Variants in STRADB observed in about 807,000 individuals in gnomAD.
STRADB encodes STE20-related kinase adapter protein beta.
A neutral mutation model predicts 52.1 loss-of-function variants in STRADB; 34 were observed. The ratio of observed to expected loss-of-function variants is 0.65; its 90% CI spans 0.50 to 0.87. The LOEUF (loss-of-function observed/expected upper bound fraction) is 0.87, where lower values mean the gene tolerates loss of function less well. STRADB is among the 40% of genes least tolerant of loss of function. The pLI, the probability that STRADB is intolerant of heterozygous loss-of-function variation, is 0.00. For missense variants in STRADB, 340 were observed against 483.9 expected (o/e 0.70, Z 2.79); for synonymous variants, 133 against 174.5 (o/e 0.76, Z 1.87).
At chr2:201,471,511 A>ATT (rs892160234) in intron 4 of STRADB, among the ~76,000 whole-genome samples, 1 of 152,108 alleles carries the variant, frequency 6.6e-6, no homozygotes, top group Non-Finnish European at 1.5e-5. Context: ...AACATTATGT[A>ATT]TTTTTTTCTT....
chr2:201,462,319 T>C (rs968802998), intron 3 of STRADB, among the ~76,000 whole-genome samples: 3 of 152,210 alleles, frequency 2.0e-5, no homozygotes, highest in Non-Finnish European at 4.4e-5. Context: ...GTGGTTCTTG[T>C]AGGCAACAGA....
At position 201,464,014 on chromosome 2, in the gene STRADB, CA is replaced by C. The variant is rs891003479; in HGVS notation, c.93+5154del. 3.0e-4 allele frequency among the ~76,000 whole-genome samples: 46 copies of C among 152,272 alleles called. 1 individual carries two copies. The highest frequency in any genetic ancestry group is 1.0e-3 in the African/African-American group (42 of 41,552). The stretch of plus-strand genomic sequence containing the variant: ...TATCTTGAAATTTGTTGAACTTCCT[CA>C]AAACAGCTATTTCAACTTCTCTGTC... On this transcript the variant is annotated intron_variant, in intron 3 of 11. Transcript: ENST00000194530.
intron 3 of STRADB, among the ~76,000 whole-genome samples, chr2:201,460,611 T>C (rs1261348673): frequency 6.6e-6 from 1 of 152,204 alleles, no homozygotes; most frequent in Non-Finnish European, 1.5e-5. Flanking sequence ...GAGTGACATG[T>C]GAAGTTTGTC....
intron 7 of STRADB, among the ~76,000 whole-genome samples, chr2:201,476,740 C>T (rs542443974): frequency 1.7e-4 from 26 of 150,108 alleles, no homozygotes; most frequent in African/African-American, 5.6e-4. Flanking sequence ...TTTGAGAGGC[C>T]GAGGCGTGCA....
At chr2:201,464,162 A>G (rs1429205449) in intron 3 of STRADB, among the ~76,000 whole-genome samples, 1 of 152,196 alleles carries the variant, frequency 6.6e-6, no homozygotes, top group Non-Finnish European at 1.5e-5. Flanking sequence ...ATGTCTGGGC[A>G]TTGAAGAGTT....
chr2:201,458,807 A>T lies in STRADB; in HGVS notation c.36A>T (p.Thr12=), dbSNP rs538625124. 3 of 1,613,978 alleles carry T rather than the reference A, an allele frequency of 1.9e-6. No homozygotes were observed. The highest frequency in any genetic ancestry group is 1.7e-5 in the Admixed American group (1 of 60,004). ...SLLDCFCTSR[T]QVESLRPEKQ... is the part of the protein sequence containing the mutation. Reference sequence around the variant, plus strand: ...AGGATTGCTTCTGCACTTCAAGAACACAAGTTGAATCACTCAGACCTGAAA... The same window carrying T: ...AGGATTGCTTCTGCACTTCAAGAACTCAAGTTGAATCACTCAGACCTGAAA... The change falls in exon 3 of 12, where the codon ACA becomes ACT. Residue 12 remains threonine (T), a synonymous_variant. Transcript: ENST00000194530.
chr2:201,477,928 G>A (rs1952505467), intron 8 of STRADB, 138 bp downstream of exon 8: 3 of 1,245,668 alleles, frequency 2.4e-6, no homozygotes, highest in Non-Finnish European at 3.4e-6. Context: ...TCAAAATTAT[G>A]TTAGGAAATT....
chr2:201,476,809 T>C (rs1952479637), intron 7 of STRADB, among the ~76,000 whole-genome samples: 2 of 148,716 alleles, frequency 1.3e-5, no homozygotes, highest in South Asian at 4.2e-4. Flanking sequence ...ACCCTGTCTC[T>C]ACTAAAAATA....
intron 2 of STRADB, 58 bp downstream of exon 2, chr2:201,454,910 G>A (rs1314639732): frequency 6.6e-7 from 1 of 1,510,294 alleles, no homozygotes; most frequent in Non-Finnish European, 9.1e-7. Flanking sequence ...GGATGTTAAT[G>A]CCAAGCCATA....
chr2:201,454,933 T>C (rs557693946), intron 2 of STRADB, 81 bp downstream of exon 2: 11 of 1,270,130 alleles, frequency 8.7e-6, no homozygotes, highest in Non-Finnish European at 1.2e-5. Flanking sequence ...AAAAGGCATA[T>C]TCTGATGGGA....
chr2:201,479,976 A>G, intron 11 of STRADB, 56 bp from the exon 12 acceptor site: 1 of 1,591,044 alleles, frequency 6.3e-7, no homozygotes, highest in Non-Finnish European at 8.6e-7. Context: ...TATTGCTAAC[A>G]AAACTGATAT....
intron 5 of STRADB, among the ~76,000 whole-genome samples, chr2:201,473,712 A>G (rs909403014): frequency 6.6e-6 from 1 of 152,186 alleles, no homozygotes; most frequent in African/African-American, 2.4e-5. Flanking sequence ...ATAGTCACAT[A>G]GGGAAATGGA....
intron 5 of STRADB, among the ~76,000 whole-genome samples, chr2:201,473,856 G>A (rs1952428908): frequency 6.6e-6 from 1 of 151,576 alleles, no homozygotes; most frequent in Admixed American, 6.6e-5. Context: ...ATATAAAGGG[G>A]GAAAGGATTT....
At chr2:201,470,265 C>T (rs1180131515) in intron 4 of STRADB, among the ~76,000 whole-genome samples, 1 of 152,104 alleles carries the variant, frequency 6.6e-6, no homozygotes, top group Non-Finnish European at 1.5e-5. Flanking sequence ...TTTACTTTTC[C>T]ATTGAAGTAC....
intron 1 of STRADB, among the ~76,000 whole-genome samples, chr2:201,453,201 T>C (rs1163869929): frequency 6.6e-6 from 1 of 152,204 alleles, no homozygotes; most frequent in African/African-American, 2.4e-5. Context: ...ATTGTGTCTG[T>C]TTCTTCTGAG....
chr2:201,473,702 A>C (rs1484495977), intron 5 of STRADB, among the ~76,000 whole-genome samples: 2 of 152,152 alleles, frequency 1.3e-5, no homozygotes, highest in African/African-American at 2.4e-5. Context: ...CCCATCCTAA[A>C]TAGTCACATA....
intron 3 of STRADB, among the ~76,000 whole-genome samples, chr2:201,465,316 A>G (rs934414364): frequency 1.3e-5 from 2 of 152,178 alleles, no homozygotes; most frequent in Non-Finnish European, 2.9e-5. Flanking sequence ...CAGGTGATGG[A>G]TCCTGCCAGA....
At chr2:201,467,826 G>T (rs968089699) in intron 3 of STRADB, among the ~76,000 whole-genome samples, 3 of 151,990 alleles carry the variant, frequency 2.0e-5, no homozygotes, top group Non-Finnish European at 4.4e-5. Context: ...TGAAACTCTT[G>T]TCTCTTCCAG....
intron 3 of STRADB, among the ~76,000 whole-genome samples, chr2:201,462,826 T>C (rs1952236811): frequency 6.6e-6 from 1 of 152,228 alleles, no homozygotes; most frequent in Admixed American, 6.5e-5. Flanking sequence ...ACAATTACAA[T>C]GTTATAATAG....
Sources: allele counts gnomAD v4.1 joint callset (sites outside exome capture counted in the v4.1 genomes callset), GRCh38; gene constraint gnomAD v4.1.1; transcripts MANE v1.5; gene names NCBI Gene and HGNC (gene_info 2026-07-23, HGNC 2026-07-21).